WFDC3: variants seen among roughly 807,000 people sequenced by gnomAD.
WFDC3 encodes the protein WAP four-disulfide core domain 3.
In WFDC3, 15 loss-of-function variants were observed where a neutral mutation model predicts 25.8. The observed-to-expected ratio is 0.58, with a 90% CI of 0.39 to 0.89. The LOEUF is 0.89. Among genes scored for constraint, WFDC3 ranks in the 40% least tolerant of loss-of-function variants. The probability of loss-of-function intolerance (pLI) is 0.00; values close to 1 mark genes in which losing one functional copy is unlikely to be tolerated. For synonymous variants in WFDC3, 103 were observed against 107.1 expected (o/e 0.96, Z 0.24); for missense variants, 264 against 289.8 (o/e 0.91, Z 0.65).
chr20:45,779,805 T>G (rs548694780), intron 4 of WFDC3: 1 of 152,306 alleles, frequency 6.6e-6, no homozygotes, highest in East Asian at 1.9e-4. Context: ...TCTCTGCTAC[T>G]CTCTGCCCTC....
chr20:45,783,344 G>T (rs1287762805), intron 4 of WFDC3, among the ~76,000 whole-genome samples: 2 of 152,112 alleles, frequency 1.3e-5, no homozygotes, highest in East Asian at 1.9e-4. Flanking sequence ...CGGACACAGT[G>T]GTTTGTGCCT....
intron 3 of WFDC3, 166 bp downstream of exon 3, chr20:45,788,765 C>T: frequency 1.2e-6 from 1 of 860,636 alleles, no homozygotes; most frequent in South Asian, 2.1e-5. Flanking sequence ...CAACTGGGGG[C>T]ACTGAATAAT....
chr20:45,791,875 G>A lies in WFDC3; in HGVS notation c.-51C>T. 1.6e-6 allele frequency: 1 copy of A among 614,610 alleles called. No individual in the cohort carries two copies. The highest frequency in any genetic ancestry group is 2.4e-6 in the Non-Finnish European group (1 of 424,222). 38.1% of individuals were successfully genotyped at this position (614,610 alleles called of 1,614,324 possible). A position where few individuals can be genotyped will look rare whatever the true frequency, so the allele number is the denominator to read the frequency against. On this transcript the variant is annotated 5_prime_UTR_variant, in exon 1 of 7. Coordinates refer to ENST00000243938, the MANE Select transcript of WFDC3 (RefSeq NM_080614.2). ...TGTCCTGGGCGAGGCGCGGCGGTTC[G>A]GTTCCCATGGTAACCCCGCAGCTCC...
rs1279161001 is a variant in WFDC3, at chr20:45,789,054, C to G, written c.88G>C (p.Glu30Gln). Reference protein sequence around the residue: ...SWITAGEHAKEGECPPHKNPC... With the variant: ...SWITAGEHAKQGECPPHKNPC... ...TTCTTATGGGGAGGGCATTCTCCCTCTTTTGCTGCAAAAGATACTATTTGA... is the reference window on the plus strand; with the variant it reads ...TTCTTATGGGGAGGGCATTCTCCCTGTTTTGCTGCAAAAGATACTATTTGA... Residue 30 changes from glutamate to glutamine, a missense_variant, in exon 3 of 7, where the codon GAG becomes CAG. Coordinates refer to ENST00000243938, the MANE Select transcript of WFDC3 (RefSeq NM_080614.2). 6.2e-7 allele frequency: 1 copy of G among 1,612,334 alleles called. No homozygotes were observed. Among genetic ancestry groups the G allele is most frequent in the African/African-American group, 1.3e-5 (1 of 74,814 alleles).
At chr20:45,776,246 A>G (rs549585655) in intron 5 of WFDC3, among the ~76,000 whole-genome samples, 1 of 151,104 alleles carries the variant, frequency 6.6e-6, no homozygotes, top group African/African-American at 2.4e-5. Flanking sequence ...TGTTGAAGAA[A>G]AAAAGGCATT....
chr20:45,789,030 T>C lies in WFDC3; in HGVS notation c.112A>G (p.Asn38Asp). 1 of 1,613,484 alleles carries C rather than the reference T, an allele frequency of 6.2e-7. No individual in the cohort carries two copies. The highest frequency in any genetic ancestry group is 1.3e-5 in the African/African-American group (1 of 75,000). Reference protein sequence around the residue: ...AKEGECPPHKNPCKELCQGDE... With the variant: ...AKEGECPPHKDPCKELCQGDE... Reference sequence around the variant, plus strand: ...CCCTGGCACAGCTCTTTGCATGGGTTCTTATGGGGAGGGCATTCTCCCTCT... The same window carrying C: ...CCCTGGCACAGCTCTTTGCATGGGTCCTTATGGGGAGGGCATTCTCCCTCT... Residue 38 changes from asparagine (N) to aspartate (D), a missense_variant, in exon 3 of 7, where the codon AAC becomes GAC. Asn to Asp is a conservative substitution (Grantham distance 23, BLOSUM62 1). Transcript: ENST00000243938.
chr20:45,785,495 T>G, intron 4 of WFDC3, among the ~76,000 whole-genome samples: 1 of 144,620 alleles, frequency 6.9e-6, no homozygotes. Context: ...TTCAGTACCA[T>G]AAAACAGGGT....
intron 5 of WFDC3, 78 bp downstream of exon 5, chr20:45,776,997 A>G: frequency 6.2e-7 from 1 of 1,602,112 alleles, no homozygotes; most frequent in Non-Finnish European, 8.5e-7. Flanking sequence ...TGAGAATCCT[A>G]GCTCCTCCCA....
At chr20:45,775,351 CA>C in intron 6 of WFDC3, 65 bp downstream of exon 6, 1 of 1,560,518 alleles carries the variant, frequency 6.4e-7, no homozygotes. Flanking sequence ...CCCTTCCCAG[CA>C]CCTAAGCCAG....
In WFDC3 at chr20:45,790,018, G is replaced by GGT. The variant is rs746320514; in HGVS notation, c.-7-38_-7-37dup. The GGT allele has an allele frequency of 1.1e-5, 17 of 1,561,918 alleles. No homozygotes were observed. The African/African-American group carries it at 1.4e-4, about 12-fold the overall frequency. The stretch of plus-strand genomic sequence containing the variant: ...GGACAAGAGCTCAGTTCAGGCTAGA[G>GGT]GTGTACACCTTGCCCAGAGTATCAG... On this transcript the variant is annotated intron_variant, in intron 1 of 6. Coordinates refer to ENST00000243938, the MANE Select transcript of WFDC3 (RefSeq NM_080614.2).
chr20:45,776,979 A>C (rs1447965616), intron 5 of WFDC3, 96 bp downstream of exon 5: 15 of 1,593,614 alleles, frequency 9.4e-6, no homozygotes, highest in African/African-American at 1.3e-5. Flanking sequence ...CCAGAGGGAC[A>C]GGAAGGATGA....
intron 4 of WFDC3, among the ~76,000 whole-genome samples, chr20:45,777,715 T>A (rs1980257390): frequency 6.6e-6 from 1 of 152,046 alleles, no homozygotes; most frequent in East Asian, 1.9e-4. Context: ...AGAGACAGAG[T>A]CTCACTATGT....
chr20:45,777,204 A>T lies in WFDC3; in HGVS notation c.364T>A (p.Phe122Ile). Residue 122 changes from phenylalanine to isoleucine, a missense_variant, in exon 5 of 7, where the codon TTT (phenylalanine) becomes ATT (isoleucine). By Grantham distance (21) the Phe-to-Ile change is conservative. Transcript: ENST00000243938. ...GGGTCAGCGGGACATTCACCACCAA[A>T]CTCTGCTACATAATCAAAGCATTGG... ...VPISKQKLAE[F>I]GGECPADPLP... 1 of 1,548,950 alleles carries T rather than the reference A, an allele frequency of 6.5e-7. No homozygotes were observed. Among genetic ancestry groups the T allele is most frequent in the Non-Finnish European group, 8.7e-7 (1 of 1,148,730 alleles).
chr20:45,789,564 A>G (rs1467341143), intron 2 of WFDC3, among the ~76,000 whole-genome samples: 1 of 152,050 alleles, frequency 6.6e-6, no homozygotes, highest in East Asian at 1.9e-4. Context: ...ATACTAACAT[A>G]TATCCACCAC....
At chr20:45,775,065 T>C (rs540003238) in intron 6 of WFDC3, among the ~76,000 whole-genome samples, 1 of 152,202 alleles carries the variant, frequency 6.6e-6, no homozygotes, top group Non-Finnish European at 1.5e-5. Flanking sequence ...AATCACCAGA[T>C]TGCCTATCTG....
intron 5 of WFDC3, among the ~76,000 whole-genome samples, chr20:45,776,554 C>T (rs1322461518): frequency 3.6e-5 from 5 of 137,320 alleles, no homozygotes; most frequent in African/African-American, 8.2e-5. Flanking sequence ...GCCAAGATCA[C>T]GCCACTACAC....
At position 45,785,784 on chromosome 20, in the gene WFDC3, T is replaced by C. The variant is rs528686251; in HGVS notation, c.358+2052A>G. Among the ~76,000 whole-genome samples the C allele has an allele frequency of 3.0e-4, 45 of 152,236 alleles. 1 individual carries two copies. The South Asian group carries it at 9.3e-3, about 32-fold the overall frequency. ...GCCTCTCAAGGGAATGGAGAAGGAATAGAGCAGAGAGCCCTGTCACTTCTA... is the reference window on the plus strand; with the variant it reads ...GCCTCTCAAGGGAATGGAGAAGGAACAGAGCAGAGAGCCCTGTCACTTCTA... On this transcript the variant is annotated intron_variant, in intron 4 of 6. Transcript: ENST00000243938.
At chr20:45,774,544 C>G (rs2053905096) in intron 6 of WFDC3, 100 bp from the exon 7 acceptor site, 1 of 1,528,034 alleles carries the variant, frequency 6.5e-7, no homozygotes, top group African/African-American at 1.4e-5. Flanking sequence ...CTATATTGCT[C>G]TCAAAAGTCT....
At chr20:45,780,711 C>G (rs1166114370) in intron 4 of WFDC3, among the ~76,000 whole-genome samples, 1 of 152,210 alleles carries the variant, frequency 6.6e-6, no homozygotes, top group Non-Finnish European at 1.5e-5. Context: ...ACAGTCTGTC[C>G]TGCTGCCTCA....
Sources: gnomAD v4.1 joint callset for allele counts (sites outside exome capture counted in the v4.1 genomes callset) on GRCh38, gnomAD v4.1.1 for gene constraint, MANE v1.5 for transcripts, NCBI Gene and HGNC (gene_info 2026-07-23, HGNC 2026-07-21) for gene names.